AGBL1: variants seen among roughly 807,000 people sequenced by gnomAD.
The protein encoded by AGBL1 is cytosolic carboxypeptidase 4.
In AGBL1, 130 loss-of-function variants were observed where a neutral mutation model predicts 118.9. The ratio of observed to expected loss-of-function variants is 1.09; its 90% confidence interval spans 0.95 to 1.26. AGBL1 has a LOEUF of 1.26. AGBL1 is among the 50% of genes most tolerant of loss of function. The pLI, the probability that AGBL1 is intolerant of heterozygous loss-of-function variation, is 0.00. For missense variants in AGBL1, 1,584 were observed against 1,298.1 expected (o/e 1.22, Z -3.38); for synonymous variants, 555 against 478.9 (o/e 1.16, Z -2.08).
chr15:86,098,863 TTGA>T (rs1896542358), intron 1 of AGBL1, among the ~76,000 whole-genome samples: 1 of 152,152 alleles, frequency 6.6e-6, no homozygotes, highest in Non-Finnish European at 1.5e-5. Flanking sequence ...CATTGGTATT[TTGA>T]TGAGGATTGG....
intron 17 of AGBL1, among the ~76,000 whole-genome samples, chr15:86,351,754 G>A (rs1260836326): frequency 2.0e-5 from 3 of 152,042 alleles, no homozygotes; most frequent in African/African-American, 7.2e-5. Context: ...CCAGAGACAA[G>A]TAACTTTGGG....
intron 22 of AGBL1, among the ~76,000 whole-genome samples, chr15:86,873,927 A>G (rs749609225): frequency 5.3e-5 from 8 of 152,332 alleles, no homozygotes; most frequent in Non-Finnish European, 1.2e-4. Context: ...TATAATAGAA[A>G]GAACAGTGGA....
chr15:86,788,198 C>G (rs527674950), intron 22 of AGBL1, among the ~76,000 whole-genome samples: 1 of 152,174 alleles, frequency 6.6e-6, no homozygotes, highest in Non-Finnish European at 1.5e-5. Context: ...GACTTAGATG[C>G]TTTCTTTGGT....
intron 22 of AGBL1, among the ~76,000 whole-genome samples, chr15:86,798,849 G>A (rs1187267484): frequency 6.6e-6 from 1 of 151,456 alleles, no homozygotes; most frequent in Non-Finnish European, 1.5e-5. Context: ...TGTTGTTGTC[G>A]TTTGTCCGTT....
intron 22 of AGBL1, among the ~76,000 whole-genome samples, chr15:86,781,971 C>G (rs1001442969): frequency 1.3e-5 from 2 of 151,874 alleles, no homozygotes; most frequent in Non-Finnish European, 2.9e-5. Flanking sequence ...TTGTCCTTCC[C>G]TCTTAATCAC....
At position 86,376,132 on chromosome 15, in the gene AGBL1, T is replaced by C. The variant is rs192183097; in HGVS notation, c.2375-21234T>C. On this transcript the variant is annotated intron_variant, in intron 17 of 22. Coordinates refer to ENST00000614907, the MANE Select transcript of AGBL1 (RefSeq NM_001386094.1). The stretch of plus-strand genomic sequence containing the variant: ...ATATGGTATGTGTTTTAAGCCTTCC[T>C]GACAAGTTAGAGACTCAATGGGACA... Among the ~76,000 whole-genome samples, 3 of 152,306 alleles carry C rather than the reference T, an allele frequency of 2.0e-5. No individual in the cohort carries two copies. The East Asian group carries it at 5.8e-4, about 29-fold the overall frequency.
intron 7 of AGBL1, among the ~76,000 whole-genome samples, chr15:86,254,153 G>A (rs8037510): frequency 0.16 from 23,915 of 152,228 alleles, 2,073 homozygotes; most frequent in South Asian, 0.3. Flanking sequence ...TCTGCTCTGC[G>A]TAGCAGTGAC....
chr15:86,522,873 G>T lies in AGBL1; in HGVS notation c.2619G>T (p.Leu873=), dbSNP rs1283659160. Residue 873 remains leucine (L), a synonymous_variant, in exon 19 of 23, where the codon CTG becomes CTT. Transcript: ENST00000614907. Reference sequence around the variant, plus strand: ...AATGGCTTTCTCCCAGTGCTCATCTGCAGCCAACCATTTACCATGCCAAAG... The same window carrying T: ...AATGGCTTTCTCCCAGTGCTCATCTTCAGCCAACCATTTACCATGCCAAAG... ...NRQWLSPSAH[L]QPTIYHAKGL... 3.7e-6 allele frequency: 6 copies of T among 1,613,856 alleles called. No homozygotes were observed. Among genetic ancestry groups the T allele is most frequent in the Non-Finnish European group, 5.1e-6 (6 of 1,179,864 alleles).
chr15:86,253,212 C>T (rs1355373124), intron 7 of AGBL1, among the ~76,000 whole-genome samples: 1 of 152,132 alleles, frequency 6.6e-6, no homozygotes, highest in Non-Finnish European at 1.5e-5. Flanking sequence ...GTTCCTTGAA[C>T]TATGATAGGG....
At chr15:86,285,101 A>G (rs2079420516) in intron 16 of AGBL1, among the ~76,000 whole-genome samples, 1 of 152,144 alleles carries the variant, frequency 6.6e-6, no homozygotes, top group South Asian at 2.1e-4. Flanking sequence ...TGGACCAGAG[A>G]TGGGAGATCA....
chr15:86,919,765 A>G (rs1192210715), downstream of AGBL1, among the ~76,000 whole-genome samples: 1 of 152,236 alleles, frequency 6.6e-6, no homozygotes, highest in African/African-American at 2.4e-5. Flanking sequence ...ACGATGTTTT[A>G]TAATTGGTGT....
chr15:86,348,356 T>C (rs868201734), intron 17 of AGBL1, among the ~76,000 whole-genome samples: 1 of 152,248 alleles, frequency 6.6e-6, no homozygotes, highest in Non-Finnish European at 1.5e-5. Context: ...TTAGTGAATA[T>C]GCAGCTCACA....
At chr15:86,841,209 C>T (rs2079240246) in intron 22 of AGBL1, among the ~76,000 whole-genome samples, 1 of 152,114 alleles carries the variant, frequency 6.6e-6, no homozygotes, top group African/African-American at 2.4e-5. Flanking sequence ...GTTGACCAAA[C>T]AGATAAAATA....
chr15:86,232,838 C>T (rs1417650847), intron 6 of AGBL1, among the ~76,000 whole-genome samples: 1 of 152,112 alleles, frequency 6.6e-6, no homozygotes, highest in East Asian at 1.9e-4. Context: ...GCCCTCATGC[C>T]GTGTCATAGT....
At chr15:86,680,332 T>G (rs566047310) in intron 22 of AGBL1, among the ~76,000 whole-genome samples, 2 of 152,206 alleles carry the variant, frequency 1.3e-5, no homozygotes, top group South Asian at 2.1e-4. Flanking sequence ...TTTTAAAATG[T>G]AAATCAATGG....
intron 5 of AGBL1, among the ~76,000 whole-genome samples, chr15:86,218,700 C>T (rs1311479832): frequency 2.0e-5 from 3 of 152,174 alleles, no homozygotes; most frequent in African/African-American, 7.2e-5. Flanking sequence ...TTGCAAAGAA[C>T]AGTTGGTGGC....
intron 23 of AGBL1, among the ~76,000 whole-genome samples, chr15:86,972,253 A>G (rs1227246558): frequency 6.6e-6 from 1 of 151,912 alleles, no homozygotes; most frequent in African/African-American, 2.4e-5. Flanking sequence ...TAGATTATTG[A>G]TCTGAGGAGA....
At chr15:86,966,467 C>G (rs2081053976) in intron 23 of AGBL1, among the ~76,000 whole-genome samples, 1 of 151,920 alleles carries the variant, frequency 6.6e-6, no homozygotes, top group Non-Finnish European at 1.5e-5. Context: ...TAATGCTATC[C>G]CTCCCTGCTC....
chr15:86,227,387 C>G (rs2078383243), intron 6 of AGBL1, among the ~76,000 whole-genome samples: 2 of 152,242 alleles, frequency 1.3e-5, no homozygotes, highest in Admixed American at 6.5e-5. Flanking sequence ...ACTAAATACT[C>G]AGCCTTAATG....
Sources: allele counts gnomAD v4.1 joint callset (sites outside exome capture counted in the v4.1 genomes callset), GRCh38; gene constraint gnomAD v4.1.1; transcripts MANE v1.5; gene names NCBI Gene and HGNC (gene_info 2026-07-23, HGNC 2026-07-21).